The following NPHP4 variants were observed in gnomAD, a reference collection of about 807,000 sequenced individuals.
The protein encoded by NPHP4 is nephrocystin 4.
A neutral mutation model predicts 155.8 loss-of-function variants in NPHP4; 151 were observed. That is an observed-to-expected ratio of 0.97 (90% confidence interval 0.85 to 1.11). The LOEUF (loss-of-function observed/expected upper bound fraction) is 1.11. NPHP4 is among the 50% of genes least tolerant of loss of function. The probability of loss-of-function intolerance (pLI) is 0.00; values close to 1 mark genes in which losing one functional copy is unlikely to be tolerated. For synonymous variants in NPHP4, 845 were observed against 816.8 expected (o/e 1.03, Z -0.59); for missense variants, 1,956 against 1,925.7 (o/e 1.02, Z -0.29).
At chr1:5,990,890 T>C (rs1656152778) in intron 1 of NPHP4, among the ~76,000 whole-genome samples, 1 of 152,222 alleles carries the variant, frequency 6.6e-6, no homozygotes, top group South Asian at 2.1e-4. Flanking sequence ...TCTCTGCTTC[T>C]GCTGATCTAT....
In NPHP4 at chr1:5,867,541, G is replaced by A. The variant is rs757225201; in HGVS notation, c.3472+199C>T. On this transcript the variant is annotated intron_variant, in intron 24 of 29. Transcript: ENST00000378156. The surrounding 1 kb of genome is among the most constrained non-coding windows in gnomAD (Gnocchi z 4.1). ...AAGGGCAGACTCAGCCGGCAAATGC[G>A]CACCTAGTCATCTCAGAGGTGGCAA... 13 of 621,842 alleles carry A rather than the reference G, an allele frequency of 2.1e-5. No individual in the cohort carries two copies. The highest frequency in any genetic ancestry group is 3.0e-5 in the Admixed American group (1 of 33,564). The allele number at this position is 621,842 out of a possible 1,614,324, so 38.5% of individuals were successfully genotyped here.
At chr1:5,938,520 A>C (rs1345336383) in intron 9 of NPHP4, among the ~76,000 whole-genome samples, 1 of 152,224 alleles carries the variant, frequency 6.6e-6, no homozygotes, top group Non-Finnish European at 1.5e-5. Context: ...CGAGACGGAC[A>C]GCAAACCCGG....
chr1:5,979,521 T>G (rs1419798181), intron 2 of NPHP4, among the ~76,000 whole-genome samples: 1 of 152,022 alleles, frequency 6.6e-6, no homozygotes, highest in Non-Finnish European at 1.5e-5. Flanking sequence ...GGAACTATAT[T>G]TAGCTATAGT....
intron 16 of NPHP4, among the ~76,000 whole-genome samples, chr1:5,898,746 T>C (rs554848757): frequency 6.6e-6 from 1 of 152,340 alleles, no homozygotes; most frequent in East Asian, 1.9e-4. Context: ...TTGTCTAAAT[T>C]TGGTGGGTAT....
chr1:5,906,979 C>T, intron 13 of NPHP4, 136 bp downstream of exon 13: 1 of 496,000 alleles, frequency 2.0e-6, no homozygotes, highest in Non-Finnish European at 3.6e-6. Flanking sequence ...CAATGCCCCA[C>T]TCCCACCCAC....
At chr1:5,926,088 C>G (rs1214916393) in intron 11 of NPHP4, among the ~76,000 whole-genome samples, 1 of 152,066 alleles carries the variant, frequency 6.6e-6, no homozygotes, top group African/African-American at 2.4e-5. Flanking sequence ...ACAAGGGATT[C>G]TAGTACAAGG....
Position 5,879,709 on chromosome 1 carries a change from G to A in NPHP4, c.2611+405C>T, listed in dbSNP as rs572647459. On this transcript the variant is annotated intron_variant, in intron 19 of 29. Transcript: ENST00000378156. Reference sequence around the variant, plus strand: ...CACAGGGGCATCTAGCCAGGGCACCGAGCTGCATATGGACAGCACAGTCCT... The same window carrying A: ...CACAGGGGCATCTAGCCAGGGCACCAAGCTGCATATGGACAGCACAGTCCT... 5.4e-4 allele frequency: 250 copies of A among 460,722 alleles called. 1 individual carries two copies. The highest frequency in any genetic ancestry group is 4.0e-3 in the African/African-American group (200 of 50,448). The allele number at this position is 460,722 out of a possible 1,614,324, so 28.5% of individuals were successfully genotyped here.
intron 2 of NPHP4, among the ~76,000 whole-genome samples, chr1:5,982,306 CTA>C (rs1478452465): frequency 1.3e-5 from 2 of 152,006 alleles, no homozygotes; most frequent in Non-Finnish European, 2.9e-5. Context: ...ACTGTTTTTT[CTA>C]TGTTTGATAT....
rs1180884522 is a variant in NPHP4, at chr1:5,935,495, C to T, written c.1120-2166G>A. On this transcript the variant is annotated intron_variant, in intron 9 of 29. Coordinates refer to ENST00000378156, the MANE Select transcript of NPHP4 (RefSeq NM_015102.5). ...AAACAATGTCTTCCTGTTCCCCATC[C>T]AGTTAGCTGACAACAGATTATAAAA... Among the ~76,000 whole-genome samples the T allele has an allele frequency of 3.3e-5, 5 of 152,262 alleles. No individual in the cohort carries two copies. The South Asian group carries it at 8.3e-4, about 25-fold the overall frequency.
At chr1:5,914,563 G>A (rs1645365231) in intron 11 of NPHP4, among the ~76,000 whole-genome samples, 1 of 152,224 alleles carries the variant, frequency 6.6e-6, no homozygotes, top group African/African-American at 2.4e-5. Flanking sequence ...CAATATGCAT[G>A]CGCATTGCCA....
Position 5,905,987 on chromosome 1 carries a change from A to C in NPHP4, c.1612-204T>G, listed in dbSNP as rs1644897106. Among the ~76,000 whole-genome samples, 1 of 152,234 alleles carries C rather than the reference A, an allele frequency of 6.6e-6. No individual in the cohort carries two copies. Among genetic ancestry groups the C allele is most frequent in the Non-Finnish European group, 1.5e-5 (1 of 68,042 alleles). The stretch of plus-strand genomic sequence containing the variant: ...AAGTATGGTCCCTACGATATTTGGG[A>C]TATACTTACACTAAAAAATTATTTG... On this transcript the variant is annotated intron_variant, in intron 13 of 29. Transcript: ENST00000378156. The surrounding 1 kb of genome is among the most constrained non-coding windows in gnomAD (Gnocchi z 4.0).
rs2100950936 is a variant in NPHP4, at chr1:5,892,769, AC to A, written c.2144-1742del. Among the ~76,000 whole-genome samples, 1 of 152,090 alleles carries A rather than the reference AC, an allele frequency of 6.6e-6. No individual in the cohort carries two copies. The highest frequency in any genetic ancestry group is 1.5e-5 in the Non-Finnish European group (1 of 67,952). ...CTGAGGTCCAAGCTCCCCACAGTCC[AC>A]CCTGTGTCATTTCCATCCCACTCAG... On this transcript the variant is annotated intron_variant, in intron 16 of 29. Coordinates refer to ENST00000378156, the MANE Select transcript of NPHP4 (RefSeq NM_015102.5). The surrounding 1 kb of genome is among the most constrained non-coding windows in gnomAD (Gnocchi z 4.5).
At chr1:5,989,699 G>A (rs2102483142) in intron 1 of NPHP4, among the ~76,000 whole-genome samples, 1 of 152,362 alleles carries the variant, frequency 6.6e-6, no homozygotes, top group South Asian at 2.1e-4. Flanking sequence ...GGATTTCAGA[G>A]AGGAAGTCTC....
At chr1:5,912,537 C>CAAAAAAAAAAAAAAAAAAAA (rs752371714) in intron 11 of NPHP4, among the ~76,000 whole-genome samples, 2 of 77,894 alleles carry the variant, frequency 2.6e-5, no homozygotes, top group Non-Finnish European at 2.9e-5. Context: ...GACTCCGTCT[C>CAAAAAAAAAAAAAAAAAAAA]AAAAAAAAAA....
At chr1:5,871,066 T>C (rs942304673) in intron 23 of NPHP4, among the ~76,000 whole-genome samples, 1 of 152,188 alleles carries the variant, frequency 6.6e-6, no homozygotes, top group African/African-American at 2.4e-5. Flanking sequence ...CGAAGTGTCA[T>C]GGAGTAAAGG....
chr1:5,960,817 CA>C (rs1361325316), intron 6 of NPHP4, among the ~76,000 whole-genome samples: 4 of 152,082 alleles, frequency 2.6e-5, no homozygotes, highest in African/African-American at 9.7e-5. Flanking sequence ...ATTCCACCAC[CA>C]GAGAATCAAC....
intron 9 of NPHP4, among the ~76,000 whole-genome samples, chr1:5,940,148 A>T (rs2101838215): frequency 6.6e-6 from 1 of 152,322 alleles, no homozygotes; most frequent in Admixed American, 6.5e-5. Flanking sequence ...TTAATCCCCA[A>T]CAAACCAGGG....
chr1:5,879,644 G>A, intron 19 of NPHP4: 1 of 517,364 alleles, frequency 1.9e-6, no homozygotes. Context: ...TAGAGCACCA[G>A]GGTGTGATCA....
chr1:5,961,963 C>G lies in NPHP4; in HGVS notation c.518-14G>C, dbSNP rs1184110680. On this transcript the variant is annotated splice_polypyrimidine_tract_variant and intron_variant, in intron 5 of 29. Transcript: ENST00000378156. ...TGTGTCTGTTTTCTGGTGAAGAAAA[C>G]ACAATGTGATCAACTGATAGCTGAA... is the stretch of plus-strand genomic sequence containing the variant. 4 of 1,588,696 alleles carry G rather than the reference C, an allele frequency of 2.5e-6. No homozygotes were observed. The highest frequency in any genetic ancestry group is 1.3e-5 in the African/African-American group (1 of 74,430).
Sources: gnomAD v4.1 joint callset for allele counts (sites outside exome capture counted in the v4.1 genomes callset) on GRCh38, gnomAD v4.1.1 for gene constraint, Gnocchi (gnomAD v3.1) non-coding constraint, MANE v1.5 for transcripts, NCBI Gene and HGNC (gene_info 2026-07-23, HGNC 2026-07-21) for gene names.